The following JAKMIP3 variants were observed in gnomAD, a reference collection of about 807,000 sequenced individuals.
JAKMIP3 encodes Janus kinase and microtubule interacting protein 3, also known as janus kinase and microtubule-interacting protein 3.
JAKMIP3 carries 58 observed loss-of-function variants against 118.5 expected under a neutral mutation model. That is an observed-to-expected ratio of 0.49 (90% CI 0.40 to 0.61). The LOEUF (loss-of-function observed/expected upper bound fraction) is 0.61. Ranked by LOEUF, JAKMIP3 falls within the 20% of genes least tolerant of loss-of-function variation. The pLI is 0.00. For missense variants in JAKMIP3, 950 were observed against 1,109.0 expected, an observed-to-expected ratio of 0.86 and a Z score of 2.04; for synonymous variants, 486 against 451.2, an observed-to-expected ratio of 1.08 and a Z score of -0.98.
At chr10:132,147,011 G>C (rs943406024) in intron 13 of JAKMIP3, among the ~76,000 whole-genome samples, 5 of 152,220 alleles carry the variant, frequency 3.3e-5, no homozygotes, top group Non-Finnish European at 5.9e-5. Flanking sequence ...CATGCACACA[G>C]AGATGCTGGC....
At position 132,163,342 on chromosome 10, in the gene JAKMIP3, T is replaced by C. The variant is rs1366587192; in HGVS notation, c.2354T>C (p.Met785Thr). The change falls in exon 20 of 24, where the codon ATG becomes ACG. Residue 785 changes from methionine to threonine, a missense_variant. Coordinates refer to ENST00000684848, the MANE Select transcript of JAKMIP3 (RefSeq NM_001323087.2). ...GTGGAGCAGTGGAAGCGCCAGGTCA[T>C]GAGTGAGCTGCGCGAGCGGGACGCC... ...VAVEQWKRQVMSELRERDAQI... is the reference protein window; with the variant it reads ...VAVEQWKRQVTSELRERDAQI... 8 of 1,609,732 alleles carry C rather than the reference T, an allele frequency of 5.0e-6. No individual in the cohort carries two copies. Among genetic ancestry groups the C allele is most frequent in the Admixed American group, 1.7e-5 (1 of 59,844 alleles).
chr10:132,138,117 A>G lies in JAKMIP3; in HGVS notation c.1285-2A>G. ...CACAACCTCTTCAACTGGCTTCCGC[A>G]GGAGCGGGACAAGCTGTTAAGATTC... On this transcript the variant is annotated splice_acceptor_variant, in intron 8 of 23. Transcript: ENST00000684848. LOFTEE classifies it high-confidence loss of function. 1 of 1,611,728 alleles carries G rather than the reference A, an allele frequency of 6.2e-7. No homozygotes were observed. The highest frequency in any genetic ancestry group is 8.5e-7 in the Non-Finnish European group (1 of 1,178,988).
At chr10:132,143,303 A>G (rs928094161) in intron 11 of JAKMIP3, among the ~76,000 whole-genome samples, 1 of 152,172 alleles carries the variant, frequency 6.6e-6, no homozygotes, top group African/African-American at 2.4e-5. Context: ...TCAGAGCATC[A>G]TAAAGCACAG....
At chr10:132,089,084 A>C (rs1397320246) in intron 1 of JAKMIP3, among the ~76,000 whole-genome samples, 1 of 152,178 alleles carries the variant, frequency 6.6e-6, no homozygotes, top group Non-Finnish European at 1.5e-5. Context: ...TTTTGGTACC[A>C]GTACCATGCT....
At position 132,145,447 on chromosome 10, in the gene JAKMIP3, C is replaced by T; in HGVS notation, c.1687-71C>T. 3.6e-6 allele frequency: 5 copies of T among 1,376,710 alleles called. No homozygotes were observed. The South Asian group carries it at 5.0e-5, about 14-fold the overall frequency. The allele number at this position is 1,376,710 out of a possible 1,614,324, so 85.3% of individuals were successfully genotyped here. A position where few individuals can be genotyped will look rare whatever the true frequency, so the allele number is the denominator to read the frequency against. On this transcript the variant is annotated intron_variant, in intron 12 of 23. Coordinates refer to ENST00000684848, the MANE Select transcript of JAKMIP3 (RefSeq NM_001323087.2). Reference sequence around the variant, plus strand: ...CAGACTGGTCTTTGGTGTTCTGCCACATCACGATTTAAACGTTGGTTTATG... The same window carrying T: ...CAGACTGGTCTTTGGTGTTCTGCCATATCACGATTTAAACGTTGGTTTATG...
chr10:132,067,881 GTGGAC>G (rs1179403098), intron 1 of JAKMIP3, among the ~76,000 whole-genome samples: 2 of 143,458 alleles, frequency 1.4e-5, no homozygotes, highest in East Asian at 2.2e-4. Context: ...GGGCTTCCGT[GTGGAC>G]TGGACTGTGG....
intron 2 of JAKMIP3, among the ~76,000 whole-genome samples, chr10:132,116,379 G>A (rs1470217001): frequency 1.3e-5 from 2 of 150,718 alleles, no homozygotes; most frequent in African/African-American, 4.9e-5. Flanking sequence ...GTGTGAGTGT[G>A]TGCATCATGG....
chr10:132,163,317 G>GT lies in JAKMIP3; in HGVS notation c.2330dup (p.Glu778GlyfsTer10). ...GGAGCGCGAGAAGCTCAAGGTGGCC[G>GT]TGGAGCAGTGGAAGCGCCAGGTCAT... On this transcript the variant is annotated frameshift_variant, in exon 20 of 24. Transcript: ENST00000684848. LOFTEE classifies it high-confidence loss of function. The GT allele has an allele frequency of 6.2e-7, 1 of 1,609,056 alleles. No homozygotes were observed. Among genetic ancestry groups the GT allele is most frequent in the Non-Finnish European group, 8.5e-7 (1 of 1,178,970 alleles).
At position 132,180,650 on chromosome 10, in the gene JAKMIP3, T is replaced by TGCGC. The variant is rs1428607821; in HGVS notation, c.*1104-1704_*1104-1703insCGCG. 5.3e-4 allele frequency among the ~76,000 whole-genome samples: 15 copies of TGCGC among 28,232 alleles called. 1 individual carries two copies. Among genetic ancestry groups the TGCGC allele is most frequent in the African/African-American group, 2.8e-3 (14 of 5,018 alleles). The allele number at this position is 28,232 out of a possible 152,430, so 18.5% of individuals were successfully genotyped here. On this transcript the variant is annotated intron_variant, in intron 23 of 23. Transcript: ENST00000684848. ...GCGTGTGTGCGTGCGTGTGTGCGTGTGCGTGTGCGTGTGTGCGTGTGTGTG... is the reference window on the plus strand; with the variant it reads ...GCGTGTGTGCGTGCGTGTGTGCGTGTGCGCGCGTGTGCGTGTGTGCGTGTGTGTG...
chr10:132,158,091 GCC>G (rs1469683083), intron 19 of JAKMIP3, among the ~76,000 whole-genome samples: 3 of 95,558 alleles, frequency 3.1e-5, no homozygotes, highest in African/African-American at 1.7e-4. Flanking sequence ...GCCCCGCCCC[GCC>G]CCGCCCCGCC....
At chr10:132,154,021 G>A (rs769137513) in intron 19 of JAKMIP3, 31 bp downstream of exon 19, 26 of 1,606,420 alleles carry the variant, frequency 1.6e-5, no homozygotes, top group Non-Finnish European at 2.1e-5. Context: ...GGAACCCCGG[G>A]GAGGGGCACT....
chr10:132,160,217 C>T (rs1264979775), intron 19 of JAKMIP3, among the ~76,000 whole-genome samples: 1 of 13,714 alleles, frequency 7.3e-5, no homozygotes, highest in East Asian at 3.3e-3. Context: ...GCTGGGTGGG[C>T]CTCTCCCTGT....
At chr10:132,177,781 G>T (rs539813492) in intron 23 of JAKMIP3, among the ~76,000 whole-genome samples, 1 of 145,726 alleles carries the variant, frequency 6.9e-6, no homozygotes, top group South Asian at 2.3e-4. Context: ...CCTGTGTCCT[G>T]GGTAGTGTGC....
rs1564962514 is a variant in JAKMIP3, at chr10:132,147,988, C to T, written c.1786C>T (p.His596Tyr). Reference sequence around the variant, plus strand: ...GGAGACGGAAGAGGCTCGGCTCAGACACGAGGTGCAGGACGCCAGAGACCA... The same window carrying T: ...GGAGACGGAAGAGGCTCGGCTCAGATACGAGGTGCAGGACGCCAGAGACCA... ...QMETEEARLR[H>Y]EVQDARDQNE... Residue 596 changes from histidine to tyrosine, a missense_variant, in exon 14 of 24, where the codon CAC becomes TAC. His to Tyr is a moderately conservative substitution (Grantham distance 83). Transcript: ENST00000684848. The T allele has an allele frequency of 6.2e-7, 1 of 1,610,902 alleles. No individual in the cohort carries two copies. Among genetic ancestry groups the T allele is most frequent in the Non-Finnish European group, 8.5e-7 (1 of 1,178,782 alleles).
chr10:132,118,400 G>C lies in JAKMIP3; in HGVS notation c.633+826G>C, dbSNP rs968018664. On this transcript the variant is annotated intron_variant, in intron 3 of 23. Transcript: ENST00000684848. The surrounding 1 kb of genome is among the most constrained non-coding windows in gnomAD (Gnocchi z 4.8). The stretch of plus-strand genomic sequence containing the variant: ...TTGGGGGAAATGGAGCTCTGTCTTA[G>C]AGGTGCGTGCCCCAGCCCTGTGCCT... Among the ~76,000 whole-genome samples, 1 of 152,230 alleles carries C rather than the reference G, an allele frequency of 6.6e-6. No individual in the cohort carries two copies. The highest frequency in any genetic ancestry group is 1.5e-5 in the Non-Finnish European group (1 of 68,038).
chr10:132,164,432 G>T (rs141918134), intron 20 of JAKMIP3, among the ~76,000 whole-genome samples: 5 of 152,374 alleles, frequency 3.3e-5, no homozygotes, highest in Admixed American at 2.6e-4. Flanking sequence ...CTGAGTTGAA[G>T]TTGCAGGAAT....
At chr10:132,132,346 A>G (rs1021782039) in intron 3 of JAKMIP3, among the ~76,000 whole-genome samples, 1 of 152,158 alleles carries the variant, frequency 6.6e-6, no homozygotes, top group Non-Finnish European at 1.5e-5. Flanking sequence ...TTGTCTTTTC[A>G]TAAATCTAGT....
At chr10:132,147,329 C>T (rs898809682) in intron 13 of JAKMIP3, among the ~76,000 whole-genome samples, 2 of 152,224 alleles carry the variant, frequency 1.3e-5, no homozygotes, top group African/African-American at 4.8e-5. Flanking sequence ...CCCCTGCCCT[C>T]ATGAGGCTGC....
intron 8 of JAKMIP3, among the ~76,000 whole-genome samples, 167 bp from the exon 9 acceptor site, chr10:132,137,952 C>T (rs2818389): frequency 0.012 from 1,852 of 151,924 alleles, 15 homozygotes; most frequent in Middle Eastern, 0.034. Context: ...AGGAGCTCCC[C>T]GAGGAGCAGA....
Sources: allele counts gnomAD v4.1 joint callset (sites outside exome capture counted in the v4.1 genomes callset), GRCh38; gene constraint gnomAD v4.1.1; non-coding constraint Gnocchi (gnomAD v3.1); transcripts MANE v1.5; gene names NCBI Gene and HGNC (gene_info 2026-07-23, HGNC 2026-07-21).